Variants in CFAP96 observed in about 807,000 individuals in gnomAD.
The protein encoded by CFAP96 is cilia and flagella associated protein 96, also known as cilia-and flagella-associated protein 96.
At chr4:185,425,909 A>G in the CFAP96 span, 1 of 1,582,206 alleles carries the variant, frequency 6.3e-7, no homozygotes, top group East Asian at 2.3e-5. Context: ...ACGCCTGCCC[A>G]AAAGTTCCGG....
At chr4:185,415,264 G>T in the CFAP96 span, 5 of 1,601,600 alleles carry the variant, frequency 3.1e-6, no homozygotes, top group African/African-American at 6.7e-5. Flanking sequence ...GACCACAATA[G>T]ATGTTCCTTT....
the CFAP96 span, chr4:185,415,406 A>G: frequency 7.2e-7 from 1 of 1,390,418 alleles, no homozygotes; most frequent in South Asian, 1.5e-5. Flanking sequence ...AATAAAGAAA[A>G]GTACAGAGCT....
chr4:185,444,447 T>C, the CFAP96 span, among the ~76,000 whole-genome samples: 2 of 152,206 alleles, frequency 1.3e-5, no homozygotes, highest in African/African-American at 2.4e-5. Flanking sequence ...TTGAAAAATA[T>C]TTTGATTGAC....
the CFAP96 span, chr4:185,436,162 G>C: frequency 2.6e-6 from 4 of 1,550,742 alleles, no homozygotes; most frequent in Non-Finnish European, 3.5e-6. Flanking sequence ...ACAAACCCGG[G>C]AAAGAAAGGA....
At chr4:185,425,841 GT>G in the CFAP96 span, 1 of 1,601,806 alleles carries the variant, frequency 6.2e-7, no homozygotes, top group Non-Finnish European at 8.5e-7. Flanking sequence ...AAACACAGGG[GT>G]CGGTGACGAG....
At chr4:185,416,045 G>A in the CFAP96 span, 1,892 of 463,212 alleles carry the variant, frequency 4.1e-3, 38 homozygotes, top group African/African-American at 0.035. Context: ...GTAACTGGCT[G>A]TGAATGATCA....
At chr4:185,418,194 G>T in the CFAP96 span, among the ~76,000 whole-genome samples, 1 of 152,060 alleles carries the variant, frequency 6.6e-6, no homozygotes. Flanking sequence ...AATGTATTTA[G>T]GCTGTTTTAT....
At chr4:185,418,569 A>G in the CFAP96 span, 1 of 1,611,384 alleles carries the variant, frequency 6.2e-7, no homozygotes, top group Admixed American at 1.7e-5. Context: ...ATTTCTAGAA[A>G]TCTTCAAACA....
the CFAP96 span, chr4:185,440,571 A>G: frequency 6.5e-7 from 1 of 1,534,440 alleles, no homozygotes; most frequent in Non-Finnish European, 8.8e-7. Flanking sequence ...CGTTTACTTA[A>G]AGGAGCACCA....
the CFAP96 span, chr4:185,422,376 A>G: frequency 1.2e-6 from 1 of 814,598 alleles, no homozygotes; most frequent in Non-Finnish European, 2.0e-6. Flanking sequence ...CTAACAATAT[A>G]ATCTTAGTTC....
chr4:185,427,481 C>T, the CFAP96 span, among the ~76,000 whole-genome samples: 2 of 152,286 alleles, frequency 1.3e-5, no homozygotes, highest in Admixed American at 1.3e-4. Context: ...GGTAAAAGGC[C>T]GGGCGCGGTG....
chr4:185,411,187 T>G, the CFAP96 span, among the ~76,000 whole-genome samples: 1 of 151,418 alleles, frequency 6.6e-6, no homozygotes, highest in African/African-American at 2.4e-5. Context: ...ATATTATGAC[T>G]ACAAGATATA....
At chr4:185,439,068 T>G in the CFAP96 span, among the ~76,000 whole-genome samples, 1 of 152,210 alleles carries the variant, frequency 6.6e-6, no homozygotes, top group African/African-American at 2.4e-5. Context: ...GACCATGCTG[T>G]AGCAAAAAGT....
the CFAP96 span, among the ~76,000 whole-genome samples, chr4:185,441,106 A>G: frequency 6.6e-6 from 1 of 152,008 alleles, no homozygotes; most frequent in African/African-American, 2.4e-5. Flanking sequence ...ATGTGCTACC[A>G]TGCCTGGTGA....
the CFAP96 span, among the ~76,000 whole-genome samples, chr4:185,419,560 C>T: frequency 6.6e-6 from 1 of 152,224 alleles, no homozygotes; most frequent in Admixed American, 6.5e-5. Flanking sequence ...ATCTCTCATC[C>T]AGCTTCCTTT....
the CFAP96 span, chr4:185,418,846 G>T: frequency 8.6e-7 from 1 of 1,156,742 alleles, no homozygotes; most frequent in Non-Finnish European, 1.2e-6. Flanking sequence ...ATACACAAAA[G>T]TAGAGCATAG....
At chr4:185,421,585 T>C in the CFAP96 span, among the ~76,000 whole-genome samples, 3 of 152,214 alleles carry the variant, frequency 2.0e-5, no homozygotes, top group Non-Finnish European at 4.4e-5. Context: ...TCCACCATGA[T>C]TGAAAGTTTC....
the CFAP96 span, among the ~76,000 whole-genome samples, chr4:185,417,439 T>C: frequency 2.0e-5 from 3 of 152,220 alleles, no homozygotes; most frequent in African/African-American, 7.2e-5. Context: ...ACCTTCCATC[T>C]TTACCCACAC....
At chr4:185,440,460 A>G in the CFAP96 span, 2 of 871,106 alleles carry the variant, frequency 2.3e-6, no homozygotes, top group Admixed American at 3.6e-5. Context: ...TATTTATATT[A>G]AAATGTAAAA....
Sources: allele counts gnomAD v4.1 joint callset (sites outside exome capture counted in the v4.1 genomes callset), GRCh38; gene constraint gnomAD v4.1.1; transcripts MANE v1.5; gene names NCBI Gene and HGNC (gene_info 2026-07-23, HGNC 2026-07-21).